The following CWF19L1 variants were observed in gnomAD, a reference collection of about 807,000 sequenced individuals.
CWF19L1 encodes CWF19 like cell cycle control factor 1.
CWF19L1 carries 60 observed loss-of-function variants against 69.7 expected under a neutral mutation model. The ratio of observed to expected loss-of-function variants is 0.86; its 90% CI spans 0.70 to 1.07. The LOEUF is 1.07. CWF19L1 is among the 50% of genes least tolerant of loss of function. The pLI, the probability that CWF19L1 is intolerant of heterozygous loss-of-function variation, is 0.00. For synonymous variants in CWF19L1, 209 were observed against 222.2 expected (o/e 0.94, Z 0.53); for missense variants, 591 against 638.9 (o/e 0.92, Z 0.81).
chr10:100,245,453 CA>C (rs1279505834), intron 9 of CWF19L1, among the ~76,000 whole-genome samples: 1 of 152,150 alleles, frequency 6.6e-6, no homozygotes, highest in African/African-American at 2.4e-5. Context: ...GCTAAAAATA[CA>C]GAGTCCAAGA....
intron 4 of CWF19L1, among the ~76,000 whole-genome samples, chr10:100,259,745 C>A (rs146561690): frequency 2.2e-3 from 342 of 152,210 alleles, no homozygotes; most frequent in African/African-American, 7.2e-3. Flanking sequence ...GGCACAGCAG[C>A]ACATATACAG....
chr10:100,251,983 A>G (rs1195459668), intron 6 of CWF19L1, among the ~76,000 whole-genome samples: 2 of 152,224 alleles, frequency 1.3e-5, no homozygotes, highest in Admixed American at 6.5e-5. Flanking sequence ...TGTATTACCT[A>G]TGATTCTGCA....
Position 100,265,482 on chromosome 10 carries a change from C to CT in CWF19L1, c.23+2088dup, listed in dbSNP as rs564603256. ...ATAAGTGTCCTACACAGGTTGTGCC[C>CT]TTTTTTTTTTTCCTGTATACAGTAT... On this transcript the variant is annotated intron_variant, in intron 1 of 13. Transcript: ENST00000354105. Among the ~76,000 whole-genome samples the CT allele has an allele frequency of 5.3e-3, 752 of 142,108 alleles. 8 individuals carry two copies. The highest frequency in any genetic ancestry group is 0.018 in the South Asian group (79 of 4,416). 93.2% of individuals were successfully genotyped at this position (142,108 alleles called of 152,430 possible).
chr10:100,240,866 T>A (rs1283024928), intron 10 of CWF19L1, among the ~76,000 whole-genome samples: 6 of 152,150 alleles, frequency 3.9e-5, no homozygotes, highest in African/African-American at 7.2e-5. Flanking sequence ...GGCACTGCTA[T>A]AAAAGCTAGA....
chr10:100,237,344 T>C (rs962489871), intron 11 of CWF19L1: 6 of 457,512 alleles, frequency 1.3e-5, no homozygotes, highest in African/African-American at 1.0e-4. Context: ...GCTAGCCCCA[T>C]GCAGGCTTTG....
Position 100,236,868 on chromosome 10 carries a change from C to A in CWF19L1, c.1356G>T (p.Glu452Asp). The A allele has an allele frequency of 6.2e-7, 1 of 1,605,990 alleles. No homozygotes were observed. Residue 452 changes from glutamate to aspartate, a missense_variant, in exon 12 of 14, where the codon GAG becomes GAT. Transcript: ENST00000354105. ...EQQIELLEIP[E>D]HSDIKQIAQP... is the part of the protein sequence containing the mutation. The stretch of plus-strand genomic sequence containing the variant: ...GTTTCACCTGCTTGATGTCAGAGTG[C>A]TCTGGGATTTCCAACAGCTCTATCT...
At chr10:100,234,453 C>A (rs574884987) in intron 13 of CWF19L1, among the ~76,000 whole-genome samples, 2 of 152,156 alleles carry the variant, frequency 1.3e-5, no homozygotes, top group Admixed American at 6.5e-5. Context: ...TATCTGCAAT[C>A]GTGTGCTTAT....
intron 9 of CWF19L1, among the ~76,000 whole-genome samples, chr10:100,245,485 C>G (rs1846785243): frequency 6.6e-6 from 1 of 152,190 alleles, no homozygotes; most frequent in South Asian, 2.1e-4. Flanking sequence ...AGCATCACCC[C>G]TAGAGAACCA....
At position 100,253,452 on chromosome 10, in the gene CWF19L1, C is replaced by G; in HGVS notation, c.592G>C (p.Glu198Gln). The G allele has an allele frequency of 1.2e-6, 2 of 1,613,424 alleles. No individual in the cohort carries two copies. The highest frequency in any genetic ancestry group is 1.7e-6 in the Non-Finnish European group (2 of 1,179,382). Residue 198 changes from glutamate (E) to glutamine (Q), a missense_variant, in exon 6 of 14, where the codon GAA becomes CAA. Physicochemically the swap from Glu to Gln is conservative, Grantham distance 29. Transcript: ENST00000354105. Reference sequence around the variant, plus strand: ...GGAAGCCTCTCATAATAGGTCTTTTCCAAAGCAGCAAAATGGTATCTTGGT... The same window carrying G: ...GGAAGCCTCTCATAATAGGTCTTTTGCAAAGCAGCAAAATGGTATCTTGGT... The part of the protein sequence containing the change: ...LKPRYHFAAL[E>Q]KTYYERLPYR...
chr10:100,255,478 C>T (rs1847179282), intron 5 of CWF19L1, among the ~76,000 whole-genome samples: 2 of 147,800 alleles, frequency 1.4e-5, no homozygotes, highest in African/African-American at 5.0e-5. Flanking sequence ...AATCCCATCT[C>T]TACTAAAAAT....
chr10:100,254,818 CG>C (rs568638449), intron 5 of CWF19L1, among the ~76,000 whole-genome samples: 164 of 152,280 alleles, frequency 1.1e-3, no homozygotes, highest in African/African-American at 3.8e-3. Context: ...GCCCTTCTCT[CG>C]ATCTTCCCTA....
intron 7 of CWF19L1, among the ~76,000 whole-genome samples, chr10:100,247,498 TTTAGA>T (rs752376751): frequency 1.3e-5 from 2 of 152,234 alleles, no homozygotes; most frequent in Non-Finnish European, 2.9e-5. Flanking sequence ...TATCGAAAAC[TTTAGA>T]TAAGATATAA....
chr10:100,261,012 G>A lies in CWF19L1; in HGVS notation c.141C>T (p.Ser47=). The A allele has an allele frequency of 6.2e-7, 1 of 1,612,670 alleles. No individual in the cohort carries two copies. Among genetic ancestry groups the A allele is most frequent in the Non-Finnish European group, 8.5e-7 (1 of 1,179,106 alleles). ...ACTCCTCCCATTCAGCATCTTGGGTGGAGCCAAAGAAATTTCCTACACACA... is the reference window on the plus strand; with the variant it reads ...ACTCCTCCCATTCAGCATCTTGGGTAGAGCCAAAGAAATTTCCTACACACA... ...LLLCVGNFFG[S]TQDAEWEEYK... The change falls in exon 3 of 14, where the codon TCC becomes TCT. Residue 47 remains serine, a synonymous_variant. Transcript: ENST00000354105.
chr10:100,262,203 A>T, intron 1 of CWF19L1, 140 bp from the exon 2 acceptor site: 1 of 1,371,158 alleles, frequency 7.3e-7, no homozygotes, highest in Non-Finnish European at 9.4e-7. Flanking sequence ...GTGCACGTAA[A>T]CCACTGGGCA....
At chr10:100,235,136 G>A (rs1472116002) in intron 13 of CWF19L1, among the ~76,000 whole-genome samples, 3 of 152,150 alleles carry the variant, frequency 2.0e-5, no homozygotes, top group Non-Finnish European at 4.4e-5. Context: ...CAACTGTATT[G>A]GACAGTGCAG....
intron 7 of CWF19L1, chr10:100,248,845 A>G: frequency 8.4e-7 from 1 of 1,192,566 alleles, no homozygotes. Context: ...AGAGAGCACC[A>G]GATTTGTGGC....
chr10:100,253,822 T>G, intron 5 of CWF19L1: 1 of 299,726 alleles, frequency 3.3e-6, no homozygotes. Flanking sequence ...ATTAAAACCT[T>G]TTTTGGAAAG....
intron 4 of CWF19L1, among the ~76,000 whole-genome samples, chr10:100,258,905 T>TA (rs11369357): frequency 0.42 from 50,795 of 121,334 alleles, 10,055 homozygotes; most frequent in Non-Finnish European, 0.51. Flanking sequence ...TAAATTCAAC[T>TA]AAAAAAAAAA....
chr10:100,262,902 G>C (rs895516943), intron 1 of CWF19L1, among the ~76,000 whole-genome samples: 1 of 150,984 alleles, frequency 6.6e-6, no homozygotes, highest in Non-Finnish European at 1.5e-5. Flanking sequence ...TCTTTCTGGC[G>C]TGCTTTTATT....
Sources: gnomAD v4.1 joint callset for allele counts (sites outside exome capture counted in the v4.1 genomes callset) on GRCh38, gnomAD v4.1.1 for gene constraint, MANE v1.5 for transcripts, NCBI Gene and HGNC (gene_info 2026-07-23, HGNC 2026-07-21) for gene names.